Variants in TMEM63C observed in about 807,000 individuals in gnomAD.
The protein encoded by TMEM63C is transmembrane protein 63C, also known as osmosensitive cation channel TMEM63C.
A neutral mutation model predicts 99.2 loss-of-function variants in TMEM63C; 32 were observed. The ratio of observed to expected loss-of-function variants is 0.32; its 90% CI spans 0.24 to 0.43. The LOEUF (loss-of-function observed/expected upper bound fraction) is 0.43, where lower values mean the gene tolerates loss of function less well. Ranked by LOEUF, TMEM63C falls within the 20% of genes least tolerant of loss-of-function variation. TMEM63C has a pLI of 1.00. For synonymous variants in TMEM63C, 376 were observed against 397.9 expected, an observed-to-expected ratio of 0.94 and a Z score of 0.66; for missense variants, 826 against 1,053.0, an observed-to-expected ratio of 0.78 and a Z score of 2.98.
Position 77,253,339 on chromosome 14 carries a change from T to C in TMEM63C, c.2183T>C (p.Met728Thr). Residue 728 changes from methionine (M) to threonine (T), a missense_variant, in exon 23 of 24, where the codon ATG (methionine) becomes ACG (threonine). Coordinates refer to ENST00000298351, the MANE Select transcript of TMEM63C (RefSeq NM_020431.4). The part of the protein sequence containing the change: ...EEEEIQTVFD[M>T]EPSSTSSTPT... ...GAGGAGATCCAGACAGTGTTTGACATGGAGCCAAGCAGCACCTCCTCCACG... is the reference window on the plus strand; with the variant it reads ...GAGGAGATCCAGACAGTGTTTGACACGGAGCCAAGCAGCACCTCCTCCACG... 1 of 1,613,116 alleles carries C rather than the reference T, an allele frequency of 6.2e-7. No homozygotes were observed. Among genetic ancestry groups the C allele is most frequent in the Non-Finnish European group, 8.5e-7 (1 of 1,179,680 alleles).
chr14:77,187,922 A>T (rs1888031222), intron 1 of TMEM63C, among the ~76,000 whole-genome samples: 1 of 152,002 alleles, frequency 6.6e-6, no homozygotes, highest in Admixed American at 6.5e-5. Flanking sequence ...CTCTGTTCCC[A>T]CTCAGGGGTT....
At chr14:77,182,328 G>A (rs976603052) in intron 1 of TMEM63C, among the ~76,000 whole-genome samples, 4 of 152,168 alleles carry the variant, frequency 2.6e-5, no homozygotes, top group African/African-American at 9.7e-5. Context: ...AGTCTGCTCC[G>A]CCGTTATGGG....
intron 1 of TMEM63C, among the ~76,000 whole-genome samples, chr14:77,183,534 C>G (rs995657130): frequency 2.0e-5 from 3 of 152,196 alleles, no homozygotes; most frequent in African/African-American, 4.8e-5. Flanking sequence ...TGCCCGAGTG[C>G]CAGCAGCTGT....
At chr14:77,225,850 A>G (rs1224559459) in intron 6 of TMEM63C, among the ~76,000 whole-genome samples, 1 of 152,004 alleles carries the variant, frequency 6.6e-6, no homozygotes, top group African/African-American at 2.4e-5. Context: ...CCAAGCAAAC[A>G]TCGGGCAGAA....
chr14:77,252,699 C>A (rs1889389105), intron 22 of TMEM63C, among the ~76,000 whole-genome samples: 2 of 152,316 alleles, frequency 1.3e-5, no homozygotes, highest in South Asian at 4.1e-4. Context: ...CACTACTGAG[C>A]CTGAGGAGGG....
chr14:77,188,419 A>G (rs997583375), intron 1 of TMEM63C, among the ~76,000 whole-genome samples: 2 of 152,244 alleles, frequency 1.3e-5, no homozygotes, highest in Middle Eastern at 3.2e-3. Flanking sequence ...ACAAAGCTCC[A>G]TGAGACATTC....
intron 1 of TMEM63C, chr14:77,196,164 G>A (rs904671530): frequency 2.6e-5 from 4 of 152,420 alleles, no homozygotes; most frequent in Non-Finnish European, 5.9e-5. Flanking sequence ...ATCAAGAGGA[G>A]GGAAGGTCCT....
intron 5 of TMEM63C, among the ~76,000 whole-genome samples, chr14:77,223,960 C>T (rs552725876): frequency 2.6e-5 from 4 of 152,090 alleles, no homozygotes; most frequent in East Asian, 1.9e-4. Context: ...GGACCTCTCT[C>T]GGCCCAGCTC....
chr14:77,239,372 A>T (rs781070325), intron 10 of TMEM63C, 40 bp from the exon 11 acceptor site: 1 of 1,608,202 alleles, frequency 6.2e-7, no homozygotes, highest in Non-Finnish European at 8.5e-7. Context: ...CACATCCCCA[A>T]CCCCACAGGC....
chr14:77,218,950 T>C lies in TMEM63C; in HGVS notation c.137T>C (p.Ile46Thr), dbSNP rs1302524852. ...GTCCCCACCGTGCTGTGCCTCAACA[T>C]CGCCCTGTGGGTGGTGAGTCCTGGG... ...GGVPTVLCLN[I>T]ALWVLVLVVY... The change falls in exon 3 of 24, where the codon ATC becomes ACC. Residue 46 changes from isoleucine to threonine, a missense_variant. Physicochemically the swap from Ile to Thr is moderately conservative, Grantham distance 89. Coordinates refer to ENST00000298351, the MANE Select transcript of TMEM63C (RefSeq NM_020431.4). 1.3e-6 allele frequency: 2 copies of C among 1,595,294 alleles called. No individual in the cohort carries two copies. The highest frequency in any genetic ancestry group is 2.3e-5 in the South Asian group (2 of 88,334).
chr14:77,198,359 T>C (rs1888244108), intron 1 of TMEM63C, among the ~76,000 whole-genome samples: 1 of 152,220 alleles, frequency 6.6e-6, no homozygotes, highest in African/African-American at 2.4e-5. Flanking sequence ...GAACAAGCCC[T>C]GGGCTGGGGC....
At chr14:77,186,306 C>T (rs2140086347) in intron 1 of TMEM63C, among the ~76,000 whole-genome samples, 1 of 152,274 alleles carries the variant, frequency 6.6e-6, no homozygotes, top group South Asian at 2.1e-4. Context: ...AGCCAACGTG[C>T]CCAGCCAGAC....
In TMEM63C at chr14:77,191,538, CTTTTTTTTTTTTTT is replaced by C. The variant is rs71125542; in HGVS notation, c.-77+9654_-77+9667del. Among the ~76,000 whole-genome samples, 15 of 82,608 alleles carry C rather than the reference CTTTTTTTTTTTTTT, an allele frequency of 1.8e-4. No individual in the cohort carries two copies. In the East Asian group the frequency reaches 4.4e-3, roughly 24 times the overall value. The allele number at this position is 82,608 out of a possible 152,430, so 54.2% of individuals were successfully genotyped here. Reference sequence around the variant, plus strand: ...TTTCTTTCTTTTCTTTTTTCTTTTTCTTTTTTTTTTTTTTTTTTTTTTTGAGACAGAGTTTCGCT... The same window carrying C: ...TTTCTTTCTTTTCTTTTTTCTTTTTCTTTTTTTTTGAGACAGAGTTTCGCT... On this transcript the variant is annotated intron_variant, in intron 1 of 23. Coordinates refer to ENST00000298351, the MANE Select transcript of TMEM63C (RefSeq NM_020431.4).
chr14:77,193,228 C>T (rs1021502685), intron 1 of TMEM63C, among the ~76,000 whole-genome samples: 5 of 152,210 alleles, frequency 3.3e-5, no homozygotes, highest in Admixed American at 6.5e-5. Context: ...TTTTTAAACT[C>T]ACTGTAAAAA....
intron 21 of TMEM63C, among the ~76,000 whole-genome samples, chr14:77,249,757 G>C (rs1889326692): frequency 6.6e-6 from 1 of 152,242 alleles, no homozygotes; most frequent in African/African-American, 2.4e-5. Flanking sequence ...GTGGAAAATA[G>C]AGTATCAGCT....
chr14:77,243,300 G>A (rs1378306551), intron 15 of TMEM63C, among the ~76,000 whole-genome samples: 1 of 152,196 alleles, frequency 6.6e-6, no homozygotes, highest in Admixed American at 6.5e-5. Flanking sequence ...GGAGTCCACA[G>A]GCAGGTCCTG....
intron 2 of TMEM63C, among the ~76,000 whole-genome samples, chr14:77,214,344 C>G (rs1173514287): frequency 6.6e-6 from 1 of 152,008 alleles, no homozygotes; most frequent in Non-Finnish European, 1.5e-5. Flanking sequence ...GATGAGTGAG[C>G]GTTGGAGCTG....
intron 1 of TMEM63C, among the ~76,000 whole-genome samples, chr14:77,193,808 T>C (rs1365618558): frequency 6.7e-6 from 1 of 150,096 alleles, no homozygotes; most frequent in Non-Finnish European, 1.5e-5. Flanking sequence ...CACTCCAGCC[T>C]GAGCAACAAG....
intron 21 of TMEM63C, among the ~76,000 whole-genome samples, chr14:77,251,311 C>A (rs565299305): frequency 6.6e-6 from 1 of 152,116 alleles, no homozygotes; most frequent in Non-Finnish European, 1.5e-5. Context: ...AAACTGCTGC[C>A]GTAAAAAAGG....
Sources: gnomAD v4.1 joint callset for allele counts (sites outside exome capture counted in the v4.1 genomes callset) on GRCh38, gnomAD v4.1.1 for gene constraint, MANE v1.5 for transcripts, NCBI Gene and HGNC (gene_info 2026-07-23, HGNC 2026-07-21) for gene names.